The following OR2T2 variants were observed in gnomAD, a reference collection of about 807,000 sequenced individuals.
OR2T2 encodes olfactory receptor 2T2.
For missense variants in OR2T2, 138 were observed against 409.1 expected, an observed-to-expected ratio of 0.34 and a Z score of 5.72; for synonymous variants, 50 against 162.7, an observed-to-expected ratio of 0.31 and a Z score of 5.27.
intron 2 of OR2T2, chr1:248,449,217 T>TG (rs1662734059): frequency 6.6e-6 from 1 of 151,724 alleles, no homozygotes; most frequent in African/African-American, 2.4e-5. Context: ...TTGTGTCAAG[T>TG]GGAGAAGATC....
chr1:248,450,522 ACCT>A (rs1286027434), intron 2 of OR2T2, among the ~76,000 whole-genome samples: 1 of 150,860 alleles, frequency 6.6e-6, no homozygotes, highest in Non-Finnish European at 1.5e-5. Context: ...ATAGTGTTTT[ACCT>A]CCTCTTTGAA....
intron 2 of OR2T2, among the ~76,000 whole-genome samples, 166 bp from the exon 4 acceptor site, chr1:248,452,610 T>C (rs1662823151): frequency 7.4e-6 from 1 of 135,916 alleles, no homozygotes; most frequent in Non-Finnish European, 1.5e-5. Flanking sequence ...AGATTAATTT[T>C]CTGTCCAATA....
chr1:248,450,739 C>CT (rs1236431725), intron 2 of OR2T2, among the ~76,000 whole-genome samples: 2 of 151,130 alleles, frequency 1.3e-5, no homozygotes, highest in Non-Finnish European at 2.9e-5. Flanking sequence ...ATGCATTTAA[C>CT]TGAAACAATA....
chr1:248,450,333 C>G (rs542327487), intron 2 of OR2T2, among the ~76,000 whole-genome samples: 3 of 135,726 alleles, frequency 2.2e-5, no homozygotes, highest in African/African-American at 1.0e-4. Flanking sequence ...AACGCTCACA[C>G]TCACAAGGAA....
intron 2 of OR2T2, among the ~76,000 whole-genome samples, chr1:248,448,251 CTT>C (rs1307692198): frequency 4.0e-5 from 6 of 149,504 alleles, no homozygotes; most frequent in African/African-American, 1.3e-4. Context: ...TTAAGAAAAA[CTT>C]TATCTTTGAA....
intron 1 of OR2T2, 106 bp from the exon 2 acceptor site, chr1:248,446,483 C>T (rs1662655806): frequency 6.9e-6 from 1 of 144,644 alleles, no homozygotes; most frequent in East Asian, 1.9e-4. Flanking sequence ...ATTTCCTCTT[C>T]CACAGTATTA....
intron 2 of OR2T2, among the ~76,000 whole-genome samples, chr1:248,447,742 A>T (rs555274659): frequency 5.1e-4 from 77 of 151,856 alleles, no homozygotes; most frequent in Admixed American, 5.9e-4. Context: ...GATCACTTAG[A>T]TGCTCTTTAA....
Position 248,446,202 on chromosome 1 carries a change from G to T in OR2T2, c.-245-387G>T, listed in dbSNP as rs796907418. 4.1e-4 allele frequency among the ~76,000 whole-genome samples: 58 copies of T among 140,726 alleles called. 4 individuals are homozygous for T. Among genetic ancestry groups the T allele is most frequent in the Admixed American group, 2.7e-3 (39 of 14,502 alleles). The allele number at this position is 140,726 out of a possible 152,430, so 92.3% of individuals were successfully genotyped here. A position where few individuals can be genotyped will look rare whatever the true frequency, so the allele number is the denominator to read the frequency against. On this transcript the variant is annotated intron_variant, in intron 1 of 2. Coordinates refer to ENST00000642130, the Ensembl canonical transcript of OR2T2. The stretch of plus-strand genomic sequence containing the variant: ...ATTTTAACCTCCTTCCTCTTTTATT[G>T]AACCCATAAGGCATCCACGTGTGCC...
At chr1:248,447,186 G>GT (rs1662683343) in intron 2 of OR2T2, among the ~76,000 whole-genome samples, 2 of 149,704 alleles carry the variant, frequency 1.3e-5, no homozygotes, top group African/African-American at 5.1e-5. Flanking sequence ...TCTGATTAAT[G>GT]TAGGAAGCAA....
intron 1 of OR2T2, among the ~76,000 whole-genome samples, chr1:248,446,364 TATA>T (rs1489024733): frequency 6.9e-6 from 1 of 144,752 alleles, no homozygotes; most frequent in Non-Finnish European, 1.5e-5. Flanking sequence ...GCTGTAGGGG[TATA>T]ATAATGAGTG....
intron 2 of OR2T2, among the ~76,000 whole-genome samples, chr1:248,447,529 T>TC (rs1349032144): frequency 2.9e-4 from 43 of 146,820 alleles, no homozygotes; most frequent in African/African-American, 1.1e-3. Flanking sequence ...GACTGGACTC[T>TC]CCCCTCTCTC....
exon 3 of OR2T2, chr1:248,454,973 T>A (rs1302112426): frequency 6.8e-6 from 1 of 148,096 alleles, no homozygotes; most frequent in Non-Finnish European, 1.5e-5. Flanking sequence ...CTCAATTTTC[T>A]TATTCTCAAC....
chr1:248,453,833 A>G (rs1177583776), exon 3 of OR2T2: 10 of 1,417,716 alleles, frequency 7.1e-6, no homozygotes, highest in Non-Finnish European at 8.5e-6. Context: ...GGGGACTCCC[A>G]GAGCATCAGG....
At chr1:248,454,158 T>G (rs1662888835) in exon 3 of OR2T2, 10 of 230,154 alleles carry the variant, frequency 4.3e-5, no homozygotes, top group South Asian at 2.9e-4. Context: ...AGTGCCCATG[T>G]TAACATGTGA....
intron 2 of OR2T2, 103 bp downstream of exon 2, chr1:248,446,914 GA>G (rs1435690310): frequency 6.4e-5 from 4 of 62,080 alleles, no homozygotes; most frequent in East Asian, 4.0e-4. Flanking sequence ...TTATAGTGCT[GA>G]TTTTTTTTTT....
intron 2 of OR2T2, among the ~76,000 whole-genome samples, chr1:248,450,365 C>T (rs1281939777): frequency 3.0e-4 from 43 of 144,008 alleles, no homozygotes; most frequent in East Asian, 2.0e-4. Flanking sequence ...TTTTTTAACA[C>T]GGTCTCGGTT....
In OR2T2 at chr1:248,449,764, C is replaced by T. The variant is rs183749459; in HGVS notation, c.-23+2953C>T. On this transcript the variant is annotated intron_variant, in intron 2 of 2. Coordinates refer to ENST00000642130, the Ensembl canonical transcript of OR2T2. ...TCTGCACTGGGGAGAAATCATTCAC[C>T]GCCTTGAAGAGCCTGAAGCTTTGAT... Among the ~76,000 whole-genome samples the T allele has an allele frequency of 5.1e-3, 629 of 123,030 alleles. 22 individuals are homozygous for T. The highest frequency in any genetic ancestry group is 7.0e-3 in the Non-Finnish European group (446 of 63,744). 80.7% of individuals were successfully genotyped at this position (123,030 alleles called of 152,430 possible). A position where few individuals can be genotyped will look rare whatever the true frequency, so the allele number is the denominator to read the frequency against.
At chr1:248,455,155 T>A (rs1326212353) in exon 3 of OR2T2, 8 of 149,464 alleles carry the variant, frequency 5.4e-5, no homozygotes, top group African/African-American at 2.0e-4. Context: ...ATATGAGACA[T>A]AAAAAATATT....
intron 2 of OR2T2, among the ~76,000 whole-genome samples, chr1:248,449,713 G>T (rs1416351729): frequency 8.0e-6 from 1 of 125,530 alleles, no homozygotes; most frequent in Non-Finnish European, 1.6e-5. Flanking sequence ...GGTCCTGGGG[G>T]TCAGGGGTTC....
Sources: allele counts gnomAD v4.1 joint callset (sites outside exome capture counted in the v4.1 genomes callset), GRCh38; gene constraint gnomAD v4.1.1; transcripts MANE v1.5; gene names NCBI Gene and HGNC (gene_info 2026-07-23, HGNC 2026-07-21).